Variants in PIAS2 observed in about 807,000 individuals in gnomAD.
PIAS2 encodes protein inhibitor of activated STAT 2, also known as E3 SUMO-protein ligase PIAS2.
PIAS2 carries 19 observed loss-of-function variants against 69.7 expected under a neutral mutation model. That is an observed-to-expected ratio of 0.27 (90% CI 0.19 to 0.40). The LOEUF (loss-of-function observed/expected upper bound fraction) is 0.40, where lower values mean the gene tolerates loss of function less well. PIAS2 is among the 10% of genes least tolerant of loss of function. PIAS2 has a pLI of 1.00. For missense variants in PIAS2, 624 were observed against 757.0 expected, an observed-to-expected ratio of 0.82 and a Z score of 2.06; for synonymous variants, 261 against 263.2, an observed-to-expected ratio of 0.99 and a Z score of 0.08.
intron 9 of PIAS2, among the ~76,000 whole-genome samples, chr18:46,832,020 A>G (rs1218403153): frequency 6.6e-6 from 1 of 152,232 alleles, no homozygotes; most frequent in East Asian, 1.9e-4. Context: ...AAAAGATAAA[A>G]TGATAGAAAA....
intron 1 of PIAS2, among the ~76,000 whole-genome samples, chr18:46,897,378 T>C (rs918847125): frequency 6.6e-5 from 10 of 152,182 alleles, no homozygotes; most frequent in East Asian, 1.9e-4. Flanking sequence ...CACGGGGCCT[T>C]GTCAGAAGGG....
chr18:46,879,949 T>C (rs145457230), intron 2 of PIAS2, among the ~76,000 whole-genome samples: 1 of 152,274 alleles, frequency 6.6e-6, no homozygotes, highest in African/African-American at 2.4e-5. Context: ...AGTGAATTAC[T>C]GTTAAATGCA....
chr18:46,863,820 C>T (rs2049023332), intron 3 of PIAS2, among the ~76,000 whole-genome samples: 1 of 152,048 alleles, frequency 6.6e-6, no homozygotes, highest in African/African-American at 2.4e-5. Context: ...TCCTAACCCC[C>T]AATGTGACTG....
At chr18:46,846,978 GATCATT>G in intron 5 of PIAS2, 137 bp from the exon 6 acceptor site, 1 of 659,798 alleles carries the variant, frequency 1.5e-6, no homozygotes, top group African/African-American at 1.9e-5. Flanking sequence ...TAGCCCTTAT[GATCATT>G]ATCAACCCAA....
intron 8 of PIAS2, among the ~76,000 whole-genome samples, chr18:46,837,446 T>C (rs1448111853): frequency 6.6e-6 from 1 of 152,186 alleles, no homozygotes; most frequent in Non-Finnish European, 1.5e-5. Flanking sequence ...CATTTGGTTA[T>C]TAATCTTTTG....
intron 9 of PIAS2, 97 bp downstream of exon 9, chr18:46,836,259 AT>A: frequency 1.1e-6 from 1 of 874,874 alleles, no homozygotes; most frequent in Non-Finnish European, 1.8e-6. Context: ...CTAGAGTAGA[AT>A]TTATTTAGAA....
At chr18:46,893,591 G>T in intron 1 of PIAS2, 1 of 220,634 alleles carries the variant, frequency 4.5e-6, no homozygotes, top group Non-Finnish European at 7.6e-6. Context: ...TATGAATGCG[G>T]AATCACAGAA....
At chr18:46,835,211 T>C (rs1447038915) in intron 9 of PIAS2, among the ~76,000 whole-genome samples, 1 of 152,174 alleles carries the variant, frequency 6.6e-6, no homozygotes, top group East Asian at 1.9e-4. Flanking sequence ...ACCAAAAATG[T>C]GTATATGCAC....
intron 5 of PIAS2, among the ~76,000 whole-genome samples, chr18:46,850,730 G>A (rs139234180): frequency 3.3e-5 from 5 of 152,186 alleles, no homozygotes; most frequent in African/African-American, 1.2e-4. Context: ...GTCAAGCTTC[G>A]GCATCCATTG....
intron 1 of PIAS2, among the ~76,000 whole-genome samples, chr18:46,891,447 T>C (rs1868478003): frequency 6.6e-6 from 1 of 152,218 alleles, no homozygotes; most frequent in South Asian, 2.1e-4. Context: ...TACAGAATTA[T>C]CGCCAATTAA....
In PIAS2 at chr18:46,900,609, T is replaced by C. The variant is rs563199379; in HGVS notation, c.25-9555A>G. The stretch of plus-strand genomic sequence containing the variant: ...GGAGGATACCCTGGGCCCAGGAGTT[T>C]GAGGCTGCAGTGAGCTATAATCATG... On this transcript the variant is annotated intron_variant, in intron 1 of 13. Coordinates refer to ENST00000585916, the MANE Select transcript of PIAS2 (RefSeq NM_004671.5). 2.0e-5 allele frequency among the ~76,000 whole-genome samples: 3 copies of C among 151,642 alleles called. No homozygotes were observed. The South Asian group carries it at 6.3e-4, about 32-fold the overall frequency.
At chr18:46,858,991 G>T (rs2048251098) in intron 3 of PIAS2, among the ~76,000 whole-genome samples, 1 of 152,070 alleles carries the variant, frequency 6.6e-6, no homozygotes, top group Admixed American at 6.5e-5. Context: ...AGAAAGTGAG[G>T]TTTAGTCACC....
chr18:46,827,426 C>A (rs1292581709), intron 11 of PIAS2: 1 of 152,214 alleles, frequency 6.6e-6, no homozygotes, highest in Non-Finnish European at 1.5e-5. Context: ...GGAAAGGAAT[C>A]AATTTTTATT....
chr18:46,891,368 A>G, intron 1 of PIAS2: 1 of 349,268 alleles, frequency 2.9e-6, no homozygotes, highest in South Asian at 3.0e-5. Context: ...TTATGACTAT[A>G]AAATCTATCA....
Position 46,812,292 on chromosome 18 carries a change from C to A in PIAS2, c.*141G>T. ...CTTGTTGCAGTCTTCTGTGTTCACC[C>A]CTCAGAAAGCAAAAGAATCCATCTG... On this transcript the variant is annotated 3_prime_UTR_variant, in exon 14 of 14. Coordinates refer to ENST00000585916, the MANE Select transcript of PIAS2 (RefSeq NM_004671.5). 1.7e-6 allele frequency: 1 copy of A among 579,404 alleles called. No individual in the cohort carries two copies. The highest frequency in any genetic ancestry group is 2.8e-5 in the East Asian group (1 of 35,736). 35.9% of individuals were successfully genotyped at this position (579,404 alleles called of 1,614,324 possible).
At chr18:46,827,833 C>T in intron 11 of PIAS2, 126 bp downstream of exon 11, 2 of 791,084 alleles carry the variant, frequency 2.5e-6, no homozygotes, top group Non-Finnish European at 3.9e-6. Context: ...AATATTTCAA[C>T]TCAACAAAGG....
intron 2 of PIAS2, among the ~76,000 whole-genome samples, chr18:46,877,193 T>C (rs754525273): frequency 3.3e-5 from 5 of 152,180 alleles, no homozygotes; most frequent in African/African-American, 4.8e-5. Flanking sequence ...CCCACCACCT[T>C]ATTCAGATAA....
At chr18:46,895,000 G>T (rs2054620005) in intron 1 of PIAS2, among the ~76,000 whole-genome samples, 1 of 151,642 alleles carries the variant, frequency 6.6e-6, no homozygotes, top group Non-Finnish European at 1.5e-5. Flanking sequence ...TTGAAACCGG[G>T]AGGCGGAGGA....
chr18:46,858,516 G>A (rs746003446), intron 3 of PIAS2, among the ~76,000 whole-genome samples: 5 of 152,112 alleles, frequency 3.3e-5, no homozygotes, highest in Non-Finnish European at 7.3e-5. Flanking sequence ...GGGCAACACA[G>A]CAAGACCCCA....
Sources: gnomAD v4.1 joint callset for allele counts (sites outside exome capture counted in the v4.1 genomes callset) on GRCh38, gnomAD v4.1.1 for gene constraint, MANE v1.5 for transcripts, NCBI Gene and HGNC (gene_info 2026-07-23, HGNC 2026-07-21) for gene names.